Variants in SPECC1 observed in about 807,000 individuals in gnomAD.
SPECC1 encodes cytospin-B.
In SPECC1, 62 loss-of-function variants were observed where a neutral mutation model predicts 104.1. The ratio of observed to expected loss-of-function variants is 0.60; its 90% confidence interval spans 0.49 to 0.74. The LOEUF is 0.74. SPECC1 is among the 30% of genes least tolerant of loss of function. SPECC1 has a pLI of 0.00. For synonymous variants in SPECC1, 513 were observed against 501.6 expected (o/e 1.02, Z -0.30); for missense variants, 1,306 against 1,310.5 (o/e 1.00, Z 0.05).
chr17:20,094,039 T>C (rs945045601), intron 1 of SPECC1, among the ~76,000 whole-genome samples: 4 of 152,062 alleles, frequency 2.6e-5, no homozygotes, highest in African/African-American at 7.2e-5. Flanking sequence ...ATATTGTATA[T>C]TTTAAATTTG....
intron 12 of SPECC1, among the ~76,000 whole-genome samples, chr17:20,273,435 C>T (rs895831478): frequency 1.3e-5 from 2 of 150,300 alleles, no homozygotes; most frequent in Non-Finnish European, 2.9e-5. Flanking sequence ...CCACTGCATT[C>T]CAGCCTGGGT....
At position 20,270,289 on chromosome 17, in the gene SPECC1, A is replaced by AT. The variant is rs1555531459; in HGVS notation, c.2940+10003dup. Among the ~76,000 whole-genome samples the AT allele has an allele frequency of 1.2e-3, 180 of 150,668 alleles. 3 individuals carry two copies. The East Asian group carries it at 0.029, about 24-fold the overall frequency. ...AAAGTGATACATTAATTTTACCTTA[A>AT]TTTTTTTTAAAAAAAACAGTGTTAT... is the stretch of plus-strand genomic sequence containing the variant. On this transcript the variant is annotated intron_variant, in intron 12 of 14. Coordinates refer to ENST00000395527, the MANE Select transcript of SPECC1 (RefSeq NM_001243439.2).
At chr17:20,295,944 TA>T (rs1280026932) in intron 12 of SPECC1, among the ~76,000 whole-genome samples, 1 of 152,198 alleles carries the variant, frequency 6.6e-6, no homozygotes, top group African/African-American at 2.4e-5. Flanking sequence ...GGGTAGATTA[TA>T]AAAATTTTCT....
intron 10 of SPECC1, among the ~76,000 whole-genome samples, chr17:20,255,053 G>C (rs2039774897): frequency 6.6e-6 from 1 of 152,188 alleles, no homozygotes; most frequent in African/African-American, 2.4e-5. Flanking sequence ...TGTGGGGCCA[G>C]GAAGTCTCCT....
intron 3 of SPECC1, among the ~76,000 whole-genome samples, chr17:20,119,788 G>A (rs191575019): frequency 8.5e-5 from 13 of 152,260 alleles, no homozygotes; most frequent in Admixed American, 5.9e-4. Context: ...TTTTACATGC[G>A]TGAAAACGAG....
At chr17:20,106,120 T>G (rs2048186152) in intron 2 of SPECC1, among the ~76,000 whole-genome samples, 3 of 152,326 alleles carry the variant, frequency 2.0e-5, no homozygotes, top group Non-Finnish European at 4.4e-5. Context: ...AAGAATTCCC[T>G]TAACCACTGT....
intron 12 of SPECC1, among the ~76,000 whole-genome samples, chr17:20,276,581 C>G (rs1475640747): frequency 2.0e-5 from 3 of 152,158 alleles, no homozygotes; most frequent in Non-Finnish European, 2.9e-5. Flanking sequence ...GTCTCACTTT[C>G]TATTTTTAGT....
At chr17:20,049,605 G>T (rs2045664131) in intron 1 of SPECC1, among the ~76,000 whole-genome samples, 2 of 151,930 alleles carry the variant, frequency 1.3e-5, no homozygotes, top group Non-Finnish European at 2.9e-5. Flanking sequence ...GTCAAGTTTT[G>T]TTTTCCCAGT....
intron 12 of SPECC1, among the ~76,000 whole-genome samples, chr17:20,296,198 T>C (rs1359385287): frequency 6.6e-6 from 1 of 152,234 alleles, no homozygotes; most frequent in African/African-American, 2.4e-5. Context: ...AATTTTTGTC[T>C]AAGGTGTAAG....
At chr17:20,105,644 C>A (rs2048163492) in intron 2 of SPECC1, among the ~76,000 whole-genome samples, 1 of 152,230 alleles carries the variant, frequency 6.6e-6, no homozygotes, top group South Asian at 2.1e-4. Flanking sequence ...GTGCTTTCCC[C>A]CCGGTCACTG....
chr17:20,270,013 C>T (rs1237481443), intron 12 of SPECC1, among the ~76,000 whole-genome samples: 6 of 152,138 alleles, frequency 3.9e-5, no homozygotes, highest in Admixed American at 3.9e-4. Flanking sequence ...GGTGCAAAAT[C>T]TACATCTTGT....
chr17:20,189,145 C>T lies in SPECC1; in HGVS notation c.284-15188C>T, dbSNP rs144588045. Among the ~76,000 whole-genome samples the T allele has an allele frequency of 4.0e-4, 61 of 152,228 alleles. 1 individual carries two copies. The East Asian group carries it at 6.2e-3, about 15-fold the overall frequency. On this transcript the variant is annotated intron_variant, in intron 3 of 14. Transcript: ENST00000395527. The stretch of plus-strand genomic sequence containing the variant: ...CATCTGTCCTGAAAGTAAGGCTGCA[C>T]GTGAATATGGCAGATCTTTTAGTTC...
chr17:20,064,784 A>C (rs1288196819), intron 1 of SPECC1, among the ~76,000 whole-genome samples: 2 of 152,194 alleles, frequency 1.3e-5, no homozygotes, highest in African/African-American at 2.4e-5. Context: ...GGCATGATGA[A>C]CCTTGTCTTA....
chr17:20,022,395 T>C (rs960223226), intron 1 of SPECC1, among the ~76,000 whole-genome samples: 2 of 152,224 alleles, frequency 1.3e-5, no homozygotes, highest in Non-Finnish European at 2.9e-5. Flanking sequence ...TAGACTATTT[T>C]AGACATTAGC....
chr17:20,147,012 C>T (rs912500651), intron 3 of SPECC1, among the ~76,000 whole-genome samples: 20 of 152,040 alleles, frequency 1.3e-4, no homozygotes, highest in East Asian at 7.7e-4. Flanking sequence ...TACATCCTTG[C>T]CAGCATTTGG....
Position 20,043,316 on chromosome 17 carries a change from A to G in SPECC1, c.-22+33892A>G, listed in dbSNP as rs552672410. 7.2e-5 allele frequency among the ~76,000 whole-genome samples: 11 copies of G among 152,290 alleles called. No individual in the cohort carries two copies. In the East Asian group the frequency reaches 2.1e-3, roughly 29 times the overall value. ...ATTATCTGTGGTGTGAAACTCTGAG[A>G]TCATGTGAGCATCCTCTTCCCAAGC... On this transcript the variant is annotated intron_variant, in intron 1 of 14. Transcript: ENST00000395527.
chr17:20,100,444 G>A (rs911899739), intron 2 of SPECC1, among the ~76,000 whole-genome samples: 12 of 152,228 alleles, frequency 7.9e-5, no homozygotes, highest in South Asian at 4.2e-4. Context: ...GTAAGCACAC[G>A]GGGAGGTTCT....
intron 2 of SPECC1, 133 bp downstream of exon 2, chr17:20,096,931 A>G: frequency 8.6e-7 from 1 of 1,156,868 alleles, no homozygotes; most frequent in Non-Finnish European, 1.2e-6. Context: ...TCGCAGGAGG[A>G]CCAGCATGCC....
intron 3 of SPECC1, among the ~76,000 whole-genome samples, chr17:20,179,268 A>C (rs1156751106): frequency 6.6e-6 from 1 of 152,260 alleles, no homozygotes; most frequent in Non-Finnish European, 1.5e-5. Flanking sequence ...TGTAGCTTGC[A>C]CCAGATGCTG....
Sources: gnomAD v4.1 joint callset for allele counts (sites outside exome capture counted in the v4.1 genomes callset) on GRCh38, gnomAD v4.1.1 for gene constraint, MANE v1.5 for transcripts, NCBI Gene and HGNC (gene_info 2026-07-23, HGNC 2026-07-21) for gene names.